Variants in RYR3 observed in about 807,000 individuals in gnomAD.
RYR3 encodes the protein ryanodine receptor 3, also known as brain ryanodine receptor-calcium release channel.
RYR3 carries 207 observed loss-of-function variants against 584.3 expected under a neutral mutation model. The observed-to-expected ratio is 0.35, with a 90% CI of 0.32 to 0.40. The LOEUF is 0.40. Ranked by LOEUF, RYR3 falls within the 10% of genes least tolerant of loss-of-function variation. The pLI, the probability that RYR3 is intolerant of heterozygous loss-of-function variation, is 1.00. For synonymous variants in RYR3, 2,416 were observed against 2,248.5 expected (o/e 1.07, Z -2.11); for missense variants, 5,616 against 6,089.2 (o/e 0.92, Z 2.59).
At chr15:33,646,913 A>G (rs1162681242) in intron 29 of RYR3, among the ~76,000 whole-genome samples, 3 of 152,300 alleles carry the variant, frequency 2.0e-5, no homozygotes, top group Non-Finnish European at 2.9e-5. Flanking sequence ...TTGCATAGCT[A>G]TGGGCATTGT....
At chr15:33,583,616 T>C (rs988657275) in intron 14 of RYR3, among the ~76,000 whole-genome samples, 10 of 152,218 alleles carry the variant, frequency 6.6e-5, no homozygotes, top group African/African-American at 2.4e-4. Context: ...ACTAGATTTT[T>C]ATTTTTCTAA....
At chr15:33,391,616 ACT>A (rs1043313891) in intron 1 of RYR3, among the ~76,000 whole-genome samples, 2 of 127,076 alleles carry the variant, frequency 1.6e-5, no homozygotes, top group African/African-American at 5.9e-5. Context: ...ACAGAGCGAG[ACT>A]CTGTCTCAAA....
intron 19 of RYR3, among the ~76,000 whole-genome samples, chr15:33,618,877 T>C (rs1177184766): frequency 6.6e-6 from 1 of 152,202 alleles, no homozygotes; most frequent in Non-Finnish European, 1.5e-5. Flanking sequence ...ATCTTTCAAA[T>C]CTGGGAATTT....
At chr15:33,747,671 C>T (rs1403151716) in intron 53 of RYR3, among the ~76,000 whole-genome samples, 1 of 152,006 alleles carries the variant, frequency 6.6e-6, no homozygotes, top group African/African-American at 2.4e-5. Context: ...GTGATCCACC[C>T]GCCTCGGCCT....
In RYR3 at chr15:33,722,862, T is replaced by C. The variant is rs756794373; in HGVS notation, c.6767T>C (p.Leu2256Pro). 6.3e-7 allele frequency: 1 copy of C among 1,596,552 alleles called. No homozygotes were observed. The highest frequency in any genetic ancestry group is 1.1e-5 in the South Asian group (1 of 89,318). ...ATTAAGATCTCTGAGAACCCAGCGCTCGACCTCCCCTCTCAAGGATACAAA... is the reference window on the plus strand; with the variant it reads ...ATTAAGATCTCTGAGAACCCAGCGCCCGACCTCCCCTCTCAAGGATACAAA... ...GAIKISENPA[L>P]DLPSQGYKRE... Residue 2256 changes from leucine (L) to proline (P), a missense_variant, in exon 44 of 104, where the codon CTC (leucine) becomes CCC (proline). By Grantham distance (98) the Leu-to-Pro change is moderately conservative (BLOSUM62 -3). Around this residue, in one of 9 missense-constraint regions of RYR3, gnomAD observed 1,280 missense variants for 1,426.2 expected, o/e 0.90. Transcript: ENST00000634891.
chr15:33,864,116 T>G (rs1421766455), intron 102 of RYR3, 22 bp from the exon 103 acceptor site: 4 of 1,590,052 alleles, frequency 2.5e-6, no homozygotes, highest in Non-Finnish European at 3.4e-6. Context: ...GAGTATCTAA[T>G]ACTATCTTTT....
At chr15:33,758,230 C>G (rs2072047137) in intron 60 of RYR3, among the ~76,000 whole-genome samples, 1 of 152,202 alleles carries the variant, frequency 6.6e-6, no homozygotes, top group Admixed American at 6.5e-5. Flanking sequence ...CGGGCAGACA[C>G]TGAGCTAGCT....
chr15:33,477,036 G>A (rs1366312258), intron 2 of RYR3, among the ~76,000 whole-genome samples: 1 of 152,056 alleles, frequency 6.6e-6, no homozygotes, highest in East Asian at 1.9e-4. Context: ...ATTTCTCAAC[G>A]AGCTGTACCA....
intron 1 of RYR3, among the ~76,000 whole-genome samples, chr15:33,429,023 G>A (rs2044890507): frequency 6.6e-6 from 1 of 152,154 alleles, no homozygotes; most frequent in Admixed American, 6.5e-5. Context: ...AGTGGCTGAG[G>A]CATCCTGGAG....
Position 33,653,669 on chromosome 15 carries a change from CAA to C in RYR3, c.4308+799_4308+800del, listed in dbSNP as rs35053294. Reference sequence around the variant, plus strand: ...TGGGCAACAAAGCAAGACTCCATCTCAAAAAAAAAAAAAATACATTTATATAA... The same window carrying C: ...TGGGCAACAAAGCAAGACTCCATCTCAAAAAAAAAAAATACATTTATATAA... On this transcript the variant is annotated intron_variant, in intron 32 of 103. Transcript: ENST00000634891. 9.7e-4 allele frequency among the ~76,000 whole-genome samples: 140 copies of C among 143,892 alleles called. 1 individual carries two copies. The highest frequency in any genetic ancestry group is 1.2e-3 in the East Asian group (6 of 4,908). 94.4% of individuals were successfully genotyped at this position (143,892 alleles called of 152,430 possible).
intron 23 of RYR3, among the ~76,000 whole-genome samples, chr15:33,632,260 C>A (rs764104318): frequency 2.0e-4 from 30 of 152,246 alleles, no homozygotes. Flanking sequence ...TACCTTTAAA[C>A]TCATATTCCC....
intron 91 of RYR3, 34 bp downstream of exon 91, chr15:33,842,069 C>T: frequency 6.3e-7 from 1 of 1,577,576 alleles, no homozygotes. Flanking sequence ...GTTCATGGTG[C>T]AGGGATTGGC....
Position 33,311,001 on chromosome 15 carries a change from A to C in RYR3, c.-45A>C. The stretch of plus-strand genomic sequence containing the variant: ...CGCACGCCGAGCGGCTGCCGGGGGA[A>C]GCAGAGGCGCCGGAGGCTGGGGCAC... On this transcript the variant is annotated 5_prime_UTR_variant, in exon 1 of 104. Transcript: ENST00000634891. The surrounding 1 kb of genome is among the most constrained non-coding windows in gnomAD (Gnocchi z 4.4). The C allele has an allele frequency of 2.0e-6, 3 of 1,506,438 alleles. No individual in the cohort carries two copies. Among genetic ancestry groups the C allele is most frequent in the Non-Finnish European group, 2.7e-6 (3 of 1,105,682 alleles). 93.3% of individuals were successfully genotyped at this position (1,506,438 alleles called of 1,614,324 possible).
chr15:33,516,395 G>A (rs756812095), intron 3 of RYR3, among the ~76,000 whole-genome samples: 19 of 149,756 alleles, frequency 1.3e-4, no homozygotes, highest in Non-Finnish European at 1.8e-4. Context: ...CCTGGCTAGC[G>A]TGCAGTGGTG....
chr15:33,769,679 C>T (rs1441020506), intron 62 of RYR3, among the ~76,000 whole-genome samples: 1 of 152,186 alleles, frequency 6.6e-6, no homozygotes, highest in Admixed American at 6.5e-5. Context: ...GCAGGCCAGG[C>T]GCGGTGGCTC....
At chr15:33,783,986 G>A (rs1260925649) in intron 65 of RYR3, among the ~76,000 whole-genome samples, 1 of 152,172 alleles carries the variant, frequency 6.6e-6, no homozygotes, top group Non-Finnish European at 1.5e-5. Context: ...GTCCACCCCT[G>A]ACATCCAAGG....
intron 3 of RYR3, among the ~76,000 whole-genome samples, chr15:33,508,045 T>C (rs145106648): frequency 1.4e-3 from 219 of 152,228 alleles, no homozygotes; most frequent in African/African-American, 5.0e-3. Context: ...TCCAAATGGG[T>C]TCTGACATGA....
chr15:33,315,914 T>C (rs143108789), intron 1 of RYR3, among the ~76,000 whole-genome samples: 9 of 152,294 alleles, frequency 5.9e-5, no homozygotes, highest in African/African-American at 2.2e-4. Flanking sequence ...CGGCCCACTG[T>C]ATAAGGACTG....
chr15:33,781,461 C>G (rs1315689423), intron 65 of RYR3, among the ~76,000 whole-genome samples: 1 of 152,170 alleles, frequency 6.6e-6, no homozygotes, highest in Non-Finnish European at 1.5e-5. Flanking sequence ...TTCAAGCCCC[C>G]TTTCTCAAAC....
Sources: allele counts gnomAD v4.1 joint callset (sites outside exome capture counted in the v4.1 genomes callset), GRCh38; gene constraint gnomAD v4.1.1; regional missense constraint gnomAD v4.1.1; non-coding constraint Gnocchi (gnomAD v3.1); transcripts MANE v1.5; gene names NCBI Gene and HGNC (gene_info 2026-07-23, HGNC 2026-07-21).